The following PPP2R2B variants were observed in gnomAD, a reference collection of about 807,000 sequenced individuals.
PPP2R2B encodes the protein protein phosphatase 2 regulatory subunit Bbeta, also known as serine/threonine-protein phosphatase 2A 55 kDa regulatory subunit B beta isoform.
PPP2R2B carries 5 observed loss-of-function variants against 46.0 expected under a neutral mutation model. The ratio of observed to expected loss-of-function variants is 0.11; its 90% confidence interval spans 0.06 to 0.23. The LOEUF is 0.23. PPP2R2B is among the 10% of genes least tolerant of loss of function. PPP2R2B has a pLI of 1.00. For synonymous variants in PPP2R2B, 215 were observed against 206.7 expected, an observed-to-expected ratio of 1.04 and a Z score of -0.34; for missense variants, 367 against 575.0, an observed-to-expected ratio of 0.64 and a Z score of 3.70.
chr5:146,998,387 G>A (rs765498339), intron 1 of PPP2R2B, among the ~76,000 whole-genome samples: 2 of 152,112 alleles, frequency 1.3e-5, no homozygotes, highest in African/African-American at 2.4e-5. Flanking sequence ...TAATTGAGTC[G>A]GACAATCTGG....
intron 1 of PPP2R2B, among the ~76,000 whole-genome samples, chr5:146,886,669 C>T (rs377472573): frequency 6.6e-6 from 1 of 152,092 alleles, no homozygotes; most frequent in Non-Finnish European, 1.5e-5. Context: ...CCAACTGCTA[C>T]AATTTTTTGG....
intron 1 of PPP2R2B, among the ~76,000 whole-genome samples, chr5:146,986,916 C>A (rs1253596870): frequency 6.6e-6 from 1 of 152,074 alleles, no homozygotes; most frequent in African/African-American, 2.4e-5. Context: ...GCCCAAAGAC[C>A]ACCAAGTAGA....
At chr5:146,839,247 G>A (rs1759480739) in intron 2 of PPP2R2B, among the ~76,000 whole-genome samples, 1 of 152,228 alleles carries the variant, frequency 6.6e-6, no homozygotes, top group Non-Finnish European at 1.5e-5. Flanking sequence ...GTGGCCGGGT[G>A]CAGTGGCTCC....
rs1218859264 is a variant in PPP2R2B at position 146,928,464 on chromosome 5, A to C, written c.79+127201T>G. ...ATTTATCTGCTCAGATGCTCAGACC[A>C]AAAAAAAAATCAAGTTATTCTTAAT... is the stretch of plus-strand genomic sequence containing the variant. On this transcript the variant is annotated intron_variant, in intron 1 of 8. Transcript: ENST00000336640. 3.4e-5 allele frequency among the ~76,000 whole-genome samples: 5 copies of C among 148,136 alleles called. 1 individual carries two copies. Among genetic ancestry groups the C allele is most frequent in the Non-Finnish European group, 4.5e-5 (3 of 66,858 alleles).
intron 3 of PPP2R2B, among the ~76,000 whole-genome samples, 181 bp from the exon 4 acceptor site, chr5:146,698,325 T>A (rs866335209): frequency 0.11 from 9,578 of 83,680 alleles, 912 homozygotes; most frequent in East Asian, 0.29. Flanking sequence ...AAAATATATA[T>A]ATATATATAT....
chr5:146,761,071 G>A (rs965535198), intron 2 of PPP2R2B, among the ~76,000 whole-genome samples: 2 of 152,220 alleles, frequency 1.3e-5, no homozygotes, highest in African/African-American at 4.8e-5. Context: ...TGGTGGGACT[G>A]TAAACTAGGT....
intron 2 of PPP2R2B, among the ~76,000 whole-genome samples, chr5:146,871,863 C>T (rs1021448415): frequency 6.6e-6 from 1 of 152,092 alleles, no homozygotes; most frequent in African/African-American, 2.4e-5. Flanking sequence ...GTTCTCTGTA[C>T]CTTGAAATTT....
At position 146,966,200 on chromosome 5, in the gene PPP2R2B, C is replaced by G. The variant is rs9325027; in HGVS notation, c.79+89465G>C. ...GCGATATTAGTGTTGGCCAGAGGCT[C>G]GTTAATGTTGTCATTGTTTATTATT... On this transcript the variant is annotated intron_variant, in intron 1 of 8. Transcript: ENST00000336640. 3.2e-3 allele frequency among the ~76,000 whole-genome samples: 493 copies of G among 152,156 alleles called. 2 individuals carry two copies. The highest frequency in any genetic ancestry group is 0.011 in the African/African-American group (473 of 41,492).
rs188138645 is a variant in PPP2R2B at position 146,744,523 on chromosome 5, T to G, written c.71-43381A>C. 7.2e-5 allele frequency among the ~76,000 whole-genome samples: 11 copies of G among 152,288 alleles called. 1 individual carries two copies. The highest frequency in any genetic ancestry group is 5.9e-4 in the Admixed American group (9 of 15,302). On this transcript the variant is annotated intron_variant, in intron 2 of 9. Transcript: ENST00000394411. ...GAACAATGGGTGGAAAACACTGCCC[T>G]TCCAGCAGTGAGAAATGTGAAATTC...
intron 2 of PPP2R2B, among the ~76,000 whole-genome samples, chr5:146,808,994 T>TGTGTGTGTGTGTGTGCGC (rs1442659063): frequency 3.5e-4 from 47 of 134,490 alleles, no homozygotes; most frequent in African/African-American, 1.2e-3. Flanking sequence ...TGTGTGTGTG[T>TGTGTGTGTGTGTGTGCGC]GCGCGCGCAC....
At chr5:146,963,144 G>A (rs1314598027) in intron 1 of PPP2R2B, among the ~76,000 whole-genome samples, 1 of 152,164 alleles carries the variant, frequency 6.6e-6, no homozygotes, top group Non-Finnish European at 1.5e-5. Context: ...CCATTTAGGG[G>A]CATTTCCTAT....
chr5:146,776,226 T>A (rs1275421473), intron 2 of PPP2R2B, among the ~76,000 whole-genome samples: 2 of 152,112 alleles, frequency 1.3e-5, no homozygotes, highest in Non-Finnish European at 2.9e-5. Flanking sequence ...GTTGGAGAAC[T>A]CACATTTCCT....
At chr5:146,832,639 C>T (rs544674534) in intron 2 of PPP2R2B, among the ~76,000 whole-genome samples, 1 of 152,036 alleles carries the variant, frequency 6.6e-6, no homozygotes, top group Non-Finnish European at 1.5e-5. Flanking sequence ...GATCCACCTG[C>T]CTCGGCCTCC....
chr5:147,010,164 C>CAA (rs984953758), intron 1 of PPP2R2B, among the ~76,000 whole-genome samples: 4 of 152,088 alleles, frequency 2.6e-5, no homozygotes, highest in African/African-American at 7.2e-5. Context: ...TACACAAACA[C>CAA]AAACCCAGCA....
At chr5:146,775,943 T>C (rs1755155086) in intron 2 of PPP2R2B, among the ~76,000 whole-genome samples, 1 of 152,088 alleles carries the variant, frequency 6.6e-6, no homozygotes. Flanking sequence ...ACTTGTACAC[T>C]GAAAACTACA....
At chr5:146,649,042 T>A (rs912654149) in intron 6 of PPP2R2B, among the ~76,000 whole-genome samples, 1 of 152,168 alleles carries the variant, frequency 6.6e-6, no homozygotes, top group African/African-American at 2.4e-5. Context: ...TCGTACTGTA[T>A]AAAAGAGCAA....
At position 146,878,312 on chromosome 5, in the gene PPP2R2B, C is replaced by T; in HGVS notation, c.-124-117G>A. 6.9e-7 allele frequency: 1 copy of T among 1,444,734 alleles called. No individual in the cohort carries two copies. The highest frequency in any genetic ancestry group is 2.5e-5 in the East Asian group (1 of 40,164). 89.5% of individuals were successfully genotyped at this position (1,444,734 alleles called of 1,614,324 possible). On this transcript the variant is annotated intron_variant, in intron 1 of 9. Transcript: ENST00000394411. This position sits in a 1 kb window ranked among gnomAD's most constrained non-coding sequence, Gnocchi z 4.5. ...CGGCTCCTCCCGCGCGGTGCGCTCACTCCAGCTCCAGTTCCCAGCGAGGAT... is the reference window on the plus strand; with the variant it reads ...CGGCTCCTCCCGCGCGGTGCGCTCATTCCAGCTCCAGTTCCCAGCGAGGAT...
intron 2 of PPP2R2B, among the ~76,000 whole-genome samples, chr5:146,877,057 A>G (rs1438699922): frequency 6.6e-6 from 1 of 152,244 alleles, no homozygotes; most frequent in Non-Finnish European, 1.5e-5. Flanking sequence ...TGATAATGCA[A>G]CACTTTGTAT....
At chr5:146,753,850 A>T (rs1033841382) in intron 2 of PPP2R2B, among the ~76,000 whole-genome samples, 4 of 152,072 alleles carry the variant, frequency 2.6e-5, no homozygotes, top group Admixed American at 2.6e-4. Context: ...AATTAACACT[A>T]ATCAACCTGA....
Sources: allele counts gnomAD v4.1 joint callset (sites outside exome capture counted in the v4.1 genomes callset), GRCh38; gene constraint gnomAD v4.1.1; non-coding constraint Gnocchi (gnomAD v3.1); transcripts MANE v1.5; gene names NCBI Gene and HGNC (gene_info 2026-07-23, HGNC 2026-07-21).